ADAMTS10: variants seen among roughly 807,000 people sequenced by gnomAD.
The protein encoded by ADAMTS10 is ADAM metallopeptidase with thrombospondin type 1 motif 10.
Under a neutral mutation model 135.9 loss-of-function variants are expected in ADAMTS10, and 48 were observed. The observed-to-expected ratio is 0.35, with a 90% CI of 0.28 to 0.45. The LOEUF is 0.45. Among genes scored for constraint, ADAMTS10 ranks in the 20% least tolerant of loss-of-function variants. The pLI, the probability that ADAMTS10 is intolerant of heterozygous loss-of-function variation, is 1.00. For synonymous variants in ADAMTS10, 621 were observed against 647.5 expected (o/e 0.96, Z 0.62); for missense variants, 1,131 against 1,565.2 (o/e 0.72, Z 4.68).
chr19:8,581,081 T>G, intron 25 of ADAMTS10, 79 bp from the exon 26 acceptor site: 1 of 819,190 alleles, frequency 1.2e-6, no homozygotes, highest in Non-Finnish European at 1.9e-6. Flanking sequence ...CCTGCAGTGC[T>G]TCCTGGCCAG....
rs1157342475 is a variant in ADAMTS10 at position 8,589,750 on chromosome 19, C to CCGTA, written c.1900+135_1900+138dup. ...AGCGTCACGTTGAACCCCCATGGTA[C>CCGTA]CGTATCCCAGGTACTCTGTCTCCCC... On this transcript the variant is annotated intron_variant, in intron 16 of 25. Transcript: ENST00000597188. 10 of 1,408,076 alleles carry CCGTA rather than the reference C, an allele frequency of 7.1e-6. No individual in the cohort carries two copies. In the African/African-American group the frequency reaches 1.3e-4, roughly 18 times the overall value. 87.2% of individuals were successfully genotyped at this position (1,408,076 alleles called of 1,614,324 possible).
At chr19:8,604,949 G>A in intron 4 of ADAMTS10, 63 bp downstream of exon 4, 1 of 1,485,748 alleles carries the variant, frequency 6.7e-7, no homozygotes, top group Non-Finnish European at 9.2e-7. Flanking sequence ...CTATGTAGAA[G>A]TGTTTTTCTT....
chr19:8,592,963 T>A, intron 12 of ADAMTS10, 93 bp from the exon 13 acceptor site: 1 of 1,196,870 alleles, frequency 8.4e-7, no homozygotes, highest in Non-Finnish European at 1.2e-6. Context: ...TCCGGCTCAC[T>A]GCCGGTCCCA....
At chr19:8,602,402 T>C (rs2042677673) in intron 5 of ADAMTS10, among the ~76,000 whole-genome samples, 1 of 152,144 alleles carries the variant, frequency 6.6e-6, no homozygotes, top group South Asian at 2.1e-4. Context: ...CACCGCAACC[T>C]CTACCTCCCG....
intron 13 of ADAMTS10, 71 bp downstream of exon 13, chr19:8,592,692 G>A (rs2042555138): frequency 6.3e-6 from 9 of 1,428,710 alleles, no homozygotes; most frequent in Non-Finnish European, 8.6e-6. Context: ...AAGGACAGGC[G>A]GGTAGGCGTG....
intron 12 of ADAMTS10, chr19:8,593,172 A>G: frequency 2.1e-6 from 1 of 484,220 alleles, no homozygotes; most frequent in Non-Finnish European, 3.8e-6. Flanking sequence ...TCACACAGCT[A>G]CTAAGGGAAT....
At chr19:8,604,935 C>A in intron 4 of ADAMTS10, 77 bp downstream of exon 4, 1 of 1,431,452 alleles carries the variant, frequency 7.0e-7, no homozygotes, top group East Asian at 2.5e-5. Flanking sequence ...TCCTTCTCTG[C>A]CCTCTATGTA....
chr19:8,597,314 C>T lies in ADAMTS10; in HGVS notation c.814G>A (p.Ala272Thr). The T allele has an allele frequency of 6.2e-7, 1 of 1,613,660 alleles. No homozygotes were observed. The highest frequency in any genetic ancestry group is 8.5e-7 in the Non-Finnish European group (1 of 1,179,860). The change falls in exon 7 of 26, where the codon GCC (alanine) becomes ACC (threonine). Residue 272 changes from alanine to threonine, a missense_variant. By Grantham distance (58) the Ala-to-Thr change is moderately conservative. Coordinates refer to ENST00000597188, the MANE Select transcript of ADAMTS10 (RefSeq NM_030957.4). ...AGACTCGAGTCCTGGAAAAGTTTGG[C>T]AACCTGACCTCCAAGAAACAAGAGA... ...QYVLAIMNIV[A>T]KLFQDSSLGS...
At chr19:8,600,454 C>CTTTCT (rs2042650155) in intron 6 of ADAMTS10, among the ~76,000 whole-genome samples, 2 of 143,382 alleles carry the variant, frequency 1.4e-5, no homozygotes, top group African/African-American at 5.0e-5. Flanking sequence ...CTTCCTCTCT[C>CTTTCT]TTTCTTTCTT....
chr19:8,586,637 G>A lies in ADAMTS10; in HGVS notation c.2324C>T (p.Thr775Ile), dbSNP rs781823560. Residue 775 changes from threonine to isoleucine, a missense_variant, in exon 20 of 26, where the codon ACC becomes ATC. Physicochemically the swap from Thr to Ile is moderately conservative, Grantham distance 89. Transcript: ENST00000597188. Reference protein sequence around the residue: ...QPHRLPLAGTTFQLRQGPDQV... With the variant: ...QPHRLPLAGTIFQLRQGPDQV... ...GTCTGGCCCCTGTCGCAGTTGAAAGGTGGTCCCAGCTAGAGGCAGACGGTG... is the reference window on the plus strand; with the variant it reads ...GTCTGGCCCCTGTCGCAGTTGAAAGATGGTCCCAGCTAGAGGCAGACGGTG... The A allele has an allele frequency of 1.2e-6, 2 of 1,614,104 alleles. No individual in the cohort carries two copies. Among genetic ancestry groups the A allele is most frequent in the Non-Finnish European group, 1.7e-6 (2 of 1,180,008 alleles).
intron 25 of ADAMTS10, among the ~76,000 whole-genome samples, chr19:8,584,420 G>C (rs781867718): frequency 4.6e-5 from 7 of 151,898 alleles, no homozygotes; most frequent in Non-Finnish European, 7.4e-5. Context: ...GCTGAGGTGG[G>C]AGGATCGCTT....
intron 1 of ADAMTS10, among the ~76,000 whole-genome samples, chr19:8,610,394 G>A (rs1043279035): frequency 1.6e-4 from 23 of 145,140 alleles, no homozygotes; most frequent in African/African-American, 6.1e-4. Flanking sequence ...CACATGTAAT[G>A]CACAACCACT....
Position 8,600,023 on chromosome 19 carries a change from G to A in ADAMTS10, c.810+905C>T, listed in dbSNP as rs923963472. ...CTAATGTTTTGTATTTTTTAGTAGA[G>A]ACGGGGTTTCACCATGCTAGCCAGG... On this transcript the variant is annotated intron_variant, in intron 6 of 25. Transcript: ENST00000597188. Among the ~76,000 whole-genome samples the A allele has an allele frequency of 4.7e-4, 72 of 151,954 alleles. 1 individual carries two copies. Among genetic ancestry groups the A allele is most frequent in the Non-Finnish European group, 8.5e-4 (58 of 67,986 alleles).
intron 18 of ADAMTS10, among the ~76,000 whole-genome samples, chr19:8,587,468 C>T (rs1248542631): frequency 9.3e-6 from 1 of 106,954 alleles, no homozygotes; most frequent in Non-Finnish European, 1.9e-5. Context: ...TGAGCCTGGC[C>T]AGCTTTTTTT....
rs554360744 is a variant in ADAMTS10 at position 8,591,952 on chromosome 19, G to A, written c.1733+6C>T. 3 of 1,612,826 alleles carry A rather than the reference G, an allele frequency of 1.9e-6. No individual in the cohort carries two copies. The South Asian group carries it at 3.3e-5, about 18-fold the overall frequency. On this transcript the variant is annotated splice_donor_region_variant and intron_variant, in intron 14 of 25. Transcript: ENST00000597188. The stretch of plus-strand genomic sequence containing the variant: ...GCCCTCCCGGGTGGGGGTCCTGAGG[G>A]CTGACCTGGGGCTGTCGCAGTGACG...
At chr19:8,610,324 T>C (rs1158472392) in intron 1 of ADAMTS10, among the ~76,000 whole-genome samples, 3 of 124,238 alleles carry the variant, frequency 2.4e-5, no homozygotes, top group African/African-American at 8.4e-5. Flanking sequence ...CAAACCCCTA[T>C]GCGCACACAC....
At position 8,591,769 on chromosome 19, in the gene ADAMTS10, C is replaced by T. The variant is rs568044712; in HGVS notation, c.1797+31G>A. 3.1e-6 allele frequency: 5 copies of T among 1,612,736 alleles called. No homozygotes were observed. The East Asian group carries it at 6.7e-5, about 22-fold the overall frequency. On this transcript the variant is annotated intron_variant, in intron 15 of 25. Transcript: ENST00000597188. Reference sequence around the variant, plus strand: ...ATAGCTGTTTTTAATGCTTCCTCCCCCCACCCCTCAAGGGGTTTGGGGGAA... The same window carrying T: ...ATAGCTGTTTTTAATGCTTCCTCCCTCCACCCCTCAAGGGGTTTGGGGGAA...
chr19:8,582,310 A>G (rs1555736026), intron 25 of ADAMTS10, among the ~76,000 whole-genome samples: 1 of 151,682 alleles, frequency 6.6e-6, no homozygotes, highest in African/African-American at 2.4e-5. Flanking sequence ...TCTACTAAAA[A>G]TACAAAAATT....
Position 8,589,560 on chromosome 19 carries a change from C to G in ADAMTS10, c.1926G>C (p.Thr642=), listed in dbSNP as rs542904700. The change falls in exon 17 of 26, where the codon ACG becomes ACC. Residue 642 remains threonine (T), a synonymous_variant. Transcript: ENST00000597188. The part of the protein sequence containing the change: ...RGGGVKACSL[T]CLAEGFNFYT... The stretch of plus-strand genomic sequence containing the variant: ...AGAAGTTGAAGCCTTCCGCTAGGCA[C>G]GTGAGCGAGCAGGCCTTCACGCCCC... 1.2e-6 allele frequency: 2 copies of G among 1,613,448 alleles called. No individual in the cohort carries two copies. The highest frequency in any genetic ancestry group is 1.7e-6 in the Non-Finnish European group (2 of 1,179,966).
Sources: gnomAD v4.1 joint callset for allele counts (sites outside exome capture counted in the v4.1 genomes callset) on GRCh38, gnomAD v4.1.1 for gene constraint, MANE v1.5 for transcripts, NCBI Gene and HGNC (gene_info 2026-07-23, HGNC 2026-07-21) for gene names.